The following ANO4 variants were observed in gnomAD, a reference collection of about 807,000 sequenced individuals.
The protein encoded by ANO4 is anoctamin-4.
In ANO4, 69 loss-of-function variants were observed where a neutral mutation model predicts 141.9. The observed-to-expected ratio is 0.49, with a 90% CI of 0.40 to 0.59. The LOEUF (loss-of-function observed/expected upper bound fraction) is 0.59. ANO4 is among the 20% of genes least tolerant of loss of function. The pLI is 0.00. For synonymous variants in ANO4, 350 were observed against 394.3 expected (o/e 0.89, Z 1.33); for missense variants, 894 against 1,162.2 (o/e 0.77, Z 3.36).
Position 100,975,955 on chromosome 12 carries a change from A to AAAAC in ANO4, c.602+1066_602+1067insAAAC, listed in dbSNP as rs1555266336. 4.0e-5 allele frequency among the ~76,000 whole-genome samples: 5 copies of AAAAC among 124,642 alleles called. 2 individuals are homozygous for AAAAC. Among genetic ancestry groups the AAAAC allele is most frequent in the Non-Finnish European group, 3.3e-5 (2 of 61,194 alleles). The allele number at this position is 124,642 out of a possible 152,430, so 81.8% of individuals were successfully genotyped here. On this transcript the variant is annotated intron_variant, in intron 7 of 27. Transcript: ENST00000392977. Reference sequence around the variant, plus strand: ...CCAAAAAAAAAAAAAGAAAAAAAAAACCCACCAGATGAAGATTGCATCTAC... The same window carrying AAAAC: ...CCAAAAAAAAAAAAAGAAAAAAAAAAAAACCCCACCAGATGAAGATTGCATCTAC...
intron 1 of ANO4, among the ~76,000 whole-genome samples, chr12:100,861,129 C>T (rs964642113): frequency 6.6e-6 from 1 of 152,142 alleles, no homozygotes; most frequent in African/African-American, 2.4e-5. Flanking sequence ...TTTTAGAGAG[C>T]ACTGATTGGT....
rs12814895 is a variant in ANO4, at chr12:101,037,169, T to A, written c.897+19T>A. On this transcript the variant is annotated intron_variant, in intron 10 of 27. Coordinates refer to ENST00000392977, the MANE Select transcript of ANO4 (RefSeq NM_001286615.2). ...GCATGAGGTATTGTGCTGTCTTTAATCTTTATCTTTCTTTCAATCGTTTGT... is the reference window on the plus strand; with the variant it reads ...GCATGAGGTATTGTGCTGTCTTTAAACTTTATCTTTCTTTCAATCGTTTGT... 6.2e-7 allele frequency: 1 copy of A among 1,609,792 alleles called. No homozygotes were observed.
intron 14 of ANO4, among the ~76,000 whole-genome samples, chr12:101,058,401 A>C (rs2136711716): frequency 6.6e-6 from 1 of 152,314 alleles, no homozygotes; most frequent in South Asian, 2.1e-4. Flanking sequence ...CTGTGAAGAA[A>C]GTCAGTGGTA....
chr12:100,981,456 AAGGAAGAAAGG>A (rs1566085766), intron 7 of ANO4, among the ~76,000 whole-genome samples: 14 of 151,862 alleles, frequency 9.2e-5, no homozygotes, highest in South Asian at 8.4e-4. Context: ...GGAAGGAAGG[AAGGAAGAAAGG>A]AAGGGAGGGA....
At chr12:100,858,588 A>G (rs547331164) in intron 1 of ANO4, among the ~76,000 whole-genome samples, 1 of 152,274 alleles carries the variant, frequency 6.6e-6, no homozygotes, top group East Asian at 1.9e-4. Context: ...TGCTTTTTAA[A>G]GATATTTTGA....
At chr12:100,741,742 T>G (rs1242293376) in intron 3 of ANO4, among the ~76,000 whole-genome samples, 1 of 152,184 alleles carries the variant, frequency 6.6e-6, no homozygotes, top group Non-Finnish European at 1.5e-5. Context: ...TGTTTCTGTA[T>G]AGTAAGTTTA....
In ANO4 at chr12:101,062,319, G is replaced by A. The variant is rs1240090923; in HGVS notation, c.1312+13918G>A. On this transcript the variant is annotated intron_variant, in intron 14 of 27. Coordinates refer to ENST00000392977, the MANE Select transcript of ANO4 (RefSeq NM_001286615.2). ...AGCTCTCCTGTATGAGGTGTCTGTC[G>A]ACCCCTGCTGGGAGGTGTCTCCCAG... 6.6e-5 allele frequency among the ~76,000 whole-genome samples: 10 copies of A among 152,294 alleles called. No individual in the cohort carries two copies. The East Asian group carries it at 1.4e-3, about 21-fold the overall frequency.
chr12:101,105,381 C>CAA (rs1443523174), intron 22 of ANO4, among the ~76,000 whole-genome samples: 1 of 152,092 alleles, frequency 6.6e-6, no homozygotes, highest in Non-Finnish European at 1.5e-5. Context: ...CTTTTTGAGC[C>CAA]AATGGCAAAA....
At chr12:101,010,636 A>G (rs530848868) in intron 8 of ANO4, among the ~76,000 whole-genome samples, 1 of 152,298 alleles carries the variant, frequency 6.6e-6, no homozygotes, top group African/African-American at 2.4e-5. Context: ...TTAGATTTTC[A>G]TTAATTTGAG....
At chr12:100,786,189 C>G (rs1258647853) in intron 3 of ANO4, among the ~76,000 whole-genome samples, 4 of 152,306 alleles carry the variant, frequency 2.6e-5, no homozygotes, top group Non-Finnish European at 5.9e-5. Context: ...AGCTGGGTCC[C>G]TGCAATTGCC....
intron 1 of ANO4, among the ~76,000 whole-genome samples, chr12:100,883,026 A>G (rs1012016847): frequency 1.3e-5 from 2 of 152,084 alleles, no homozygotes; most frequent in African/African-American, 4.8e-5. Flanking sequence ...CTCTTTGTTG[A>G]TTCCCTATTG....
intron 1 of ANO4, among the ~76,000 whole-genome samples, chr12:100,730,379 A>G (rs527247792): frequency 4.6e-5 from 7 of 152,246 alleles, no homozygotes; most frequent in Non-Finnish European, 8.8e-5. Flanking sequence ...ACTTAAGGAA[A>G]TTAAACAGCT....
intron 3 of ANO4, among the ~76,000 whole-genome samples, chr12:100,773,316 C>T (rs1051218352): frequency 6.6e-6 from 1 of 152,214 alleles, no homozygotes; most frequent in Non-Finnish European, 1.5e-5. Context: ...CTTATTTCTT[C>T]AATTAGACTA....
chr12:100,751,026 C>A (rs912007732), intron 3 of ANO4, among the ~76,000 whole-genome samples: 1 of 152,160 alleles, frequency 6.6e-6, no homozygotes, highest in Non-Finnish European at 1.5e-5. Context: ...TCAGCCCTCA[C>A]AGAGGGATAC....
intron 2 of ANO4, among the ~76,000 whole-genome samples, chr12:100,905,290 A>G (rs73389646): frequency 0.019 from 2,894 of 152,246 alleles, 90 homozygotes; most frequent in African/African-American, 0.066. Context: ...GGGAAGAAGT[A>G]TAAATGGGGA....
intron 1 of ANO4, among the ~76,000 whole-genome samples, chr12:100,871,766 G>A (rs2135928769): frequency 6.6e-6 from 1 of 152,272 alleles, no homozygotes; most frequent in South Asian, 2.1e-4. Flanking sequence ...AAAGGATGAG[G>A]GAGCTCTCTG....
At chr12:100,923,907 A>G (rs2041751125) in intron 3 of ANO4, among the ~76,000 whole-genome samples, 1 of 151,886 alleles carries the variant, frequency 6.6e-6, no homozygotes. Context: ...GCATTTTTTC[A>G]TGTGTCTGTT....
At chr12:100,907,159 TC>T (rs1290828037) in intron 2 of ANO4, among the ~76,000 whole-genome samples, 12 of 152,184 alleles carry the variant, frequency 7.9e-5, no homozygotes, top group Admixed American at 1.3e-4. Flanking sequence ...CCTTTTCAAG[TC>T]CTCTCCAATT....
intron 13 of ANO4, among the ~76,000 whole-genome samples, chr12:101,046,526 A>G (rs887557852): frequency 6.6e-6 from 1 of 152,160 alleles, no homozygotes; most frequent in African/African-American, 2.4e-5. Flanking sequence ...TACCAGTTCA[A>G]GATAACCTCC....
Sources: gnomAD v4.1 joint callset for allele counts (sites outside exome capture counted in the v4.1 genomes callset) on GRCh38, gnomAD v4.1.1 for gene constraint, MANE v1.5 for transcripts, NCBI Gene and HGNC (gene_info 2026-07-23, HGNC 2026-07-21) for gene names.